LRCH2: variants seen among roughly 807,000 people sequenced by gnomAD.
The protein encoded by LRCH2 is leucine-rich repeat and calponin homology domain-containing protein 2.
A neutral mutation model predicts 68.9 loss-of-function variants in LRCH2; 38 were observed. The ratio of observed to expected loss-of-function variants is 0.55; its 90% CI spans 0.43 to 0.72. The LOEUF (loss-of-function observed/expected upper bound fraction) is 0.72, where lower values mean the gene tolerates loss of function less well. Among genes scored for constraint, LRCH2 ranks in the 30% least tolerant of loss-of-function variants. LRCH2 has a pLI of 0.00. For missense variants in LRCH2, 528 were observed against 572.9 expected (o/e 0.92, Z 0.80); for synonymous variants, 191 against 208.1 (o/e 0.92, Z 0.71).
intron 14 of LRCH2, among the ~76,000 whole-genome samples, chrX:115,135,075 C>A (rs1556531442): frequency 9.1e-6 from 1 of 109,731 alleles, no homozygotes; most frequent in Non-Finnish European, 1.9e-5. Context: ...GTGGTGGAAA[C>A]AGCAGGAGAA....
At chrX:115,119,261 T>C (rs1198132706) in intron 20 of LRCH2, among the ~76,000 whole-genome samples, 1 of 109,826 alleles carries the variant, frequency 9.1e-6, no homozygotes, top group Non-Finnish European at 1.9e-5. Context: ...ATTGTATATC[T>C]AGAAAACCCC....
intron 7 of LRCH2, 46 bp from the exon 8 acceptor site, chrX:115,165,998 C>T (rs1286323979): frequency 3.9e-5 from 35 of 903,164 alleles, no homozygotes; most frequent in East Asian, 2.7e-4. Flanking sequence ...TTTAAACTTA[C>T]GATATGGATT....
At chrX:115,121,892 C>G (rs1382321274) in intron 20 of LRCH2, among the ~76,000 whole-genome samples, 1 of 111,250 alleles carries the variant, frequency 9.0e-6, no homozygotes, top group Non-Finnish European at 1.9e-5. Context: ...AATGTCATTT[C>G]TCTCCATAGT....
At chrX:115,153,693 G>A (rs1556538825) in intron 12 of LRCH2, among the ~76,000 whole-genome samples, 1 of 110,741 alleles carries the variant, frequency 9.0e-6, no homozygotes, top group Non-Finnish European at 1.9e-5. Flanking sequence ...CACACGAAAT[G>A]GCATAATAGC....
intron 14 of LRCH2, among the ~76,000 whole-genome samples, chrX:115,137,422 C>G (rs1258774391): frequency 9.2e-6 from 1 of 108,839 alleles, no homozygotes. Flanking sequence ...GAGTCATTAA[C>G]ACTCCAGAGA....
At position 115,179,648 on chromosome X, in the gene LRCH2, T is replaced by A; in HGVS notation, c.725A>T (p.Asp242Val). The stretch of plus-strand genomic sequence containing the variant: ...AGTAAAAACAGTGAACATCTTACCA[T>A]CTGGCAAAACATGAAGATTATTTCT... Reference protein sequence around the residue: ...IRRNNLHVLPDELGDLPLVKL... With the variant: ...IRRNNLHVLPVELGDLPLVKL... Residue 242 changes from aspartate (D) to valine (V), a missense_variant and splice_region_variant, in exon 4 of 21, where the codon GAT becomes GTT. Asp to Val is a radical substitution (Grantham distance 152). Coordinates refer to ENST00000317135, the MANE Select transcript of LRCH2 (RefSeq NM_020871.4). 1 of 1,129,896 alleles carries A rather than the reference T, an allele frequency of 8.9e-7. No homozygotes were observed. Among genetic ancestry groups the A allele is most frequent in the Non-Finnish European group, 1.2e-6 (1 of 854,059 alleles). The allele number at this position is 1,129,896 out of a possible 1,213,427, so 93.1% of individuals were successfully genotyped here.
At chrX:115,178,075 C>T (rs1282706621) in intron 5 of LRCH2, among the ~76,000 whole-genome samples, 1 of 111,933 alleles carries the variant, frequency 8.9e-6, no homozygotes, top group Non-Finnish European at 1.9e-5. Context: ...TGGGATGGTG[C>T]TTCTCTAAGG....
At chrX:115,220,226 G>A (rs1218147096) in intron 1 of LRCH2, among the ~76,000 whole-genome samples, 1 of 111,912 alleles carries the variant, frequency 8.9e-6, no homozygotes, top group Non-Finnish European at 1.9e-5. Flanking sequence ...AATGATAGAG[G>A]AATGGTTAAA....
chrX:115,216,353 G>A (rs782182261), intron 1 of LRCH2, among the ~76,000 whole-genome samples: 25 of 112,099 alleles, frequency 2.2e-4, no homozygotes, highest in Non-Finnish European at 4.5e-4. Context: ...TTTATTCAAG[G>A]TTGCTGGAAT....
In LRCH2 at chrX:115,233,674, C is replaced by A; in HGVS notation, c.349+19G>T. The stretch of plus-strand genomic sequence containing the variant: ...ACCTCCTCCTTCACAGCCAGCTTCC[C>A]CTCCCCCCGTCCTGTCACCTGCTTG... On this transcript the variant is annotated intron_variant, in intron 1 of 20. Coordinates refer to ENST00000317135, the MANE Select transcript of LRCH2 (RefSeq NM_020871.4). 8.9e-7 allele frequency: 1 copy of A among 1,121,765 alleles called. No individual in the cohort carries two copies. The allele number at this position is 1,121,765 out of a possible 1,213,427, so 92.4% of individuals were successfully genotyped here. A position where few individuals can be genotyped will look rare whatever the true frequency, so the allele number is the denominator to read the frequency against.
At position 115,127,621 on chromosome X, in the gene LRCH2, T is replaced by C. The variant is rs190950532; in HGVS notation, c.1741-728A>G. 8.6e-4 allele frequency among the ~76,000 whole-genome samples: 95 copies of C among 111,004 alleles called. 1 individual carries two copies. Among genetic ancestry groups the C allele is most frequent in the African/African-American group, 3.1e-3 (94 of 30,562 alleles). ...ATACAGAACAATGCATGGCATATTA[T>C]GAGGCACAGATAAGGGGCACTTGGG... On this transcript the variant is annotated intron_variant, in intron 15 of 20. Transcript: ENST00000317135.
intron 14 of LRCH2, among the ~76,000 whole-genome samples, chrX:115,140,445 C>T (rs1556533756): frequency 9.0e-6 from 1 of 111,070 alleles, no homozygotes; most frequent in Admixed American, 9.6e-5. Context: ...GATGTCGTGG[C>T]TACATGGAGA....
chrX:115,122,656 T>A, intron 19 of LRCH2, 52 bp from the exon 20 acceptor site: 1 of 1,174,692 alleles, frequency 8.5e-7, no homozygotes, highest in South Asian at 1.9e-5. Flanking sequence ...CTATGGAACT[T>A]AATCAAAACT....
intron 1 of LRCH2, among the ~76,000 whole-genome samples, chrX:115,209,812 G>A (rs1185915258): frequency 8.9e-6 from 1 of 112,075 alleles, no homozygotes; most frequent in Non-Finnish European, 1.9e-5. Context: ...AGGCTGAGGT[G>A]ATCTCAGATG....
At chrX:115,143,094 T>TAAAC (rs782312016) in intron 14 of LRCH2, among the ~76,000 whole-genome samples, 3 of 110,199 alleles carry the variant, frequency 2.7e-5, no homozygotes, top group Non-Finnish European at 3.8e-5. Context: ...GACTCTGGTT[T>TAAAC]AAACAAACAA....
Position 115,179,448 on chromosome X carries a change from T to C in LRCH2, c.843A>G (p.Pro281=), listed in dbSNP as rs2072675218. 1 of 1,135,333 alleles carries C rather than the reference T, an allele frequency of 8.8e-7. No individual in the cohort carries two copies. 93.6% of individuals were successfully genotyped at this position (1,135,333 alleles called of 1,213,427 possible). ...AAACCTGTGCTGGTGGTACTTGCAA[T>C]GGATTGTTATCCAAAATTATTACTT... ...HLQVIILDNN[P]LQVPPAQICL... is the part of the protein sequence containing the mutation. The change falls in exon 5 of 21, where the codon CCA becomes CCG. Residue 281 remains proline, a synonymous_variant. Transcript: ENST00000317135.
At position 115,168,803 on chromosome X, in the gene LRCH2, T is replaced by A. The variant is rs782001971; in HGVS notation, c.998+1496A>T. Among the ~76,000 whole-genome samples, 125 of 111,354 alleles carry A rather than the reference T, an allele frequency of 1.1e-3. 1 individual carries two copies. Among genetic ancestry groups the A allele is most frequent in the African/African-American group, 3.8e-3 (116 of 30,706 alleles). On this transcript the variant is annotated intron_variant, in intron 6 of 20. Transcript: ENST00000317135. Reference sequence around the variant, plus strand: ...TCCTATAAGCCAAAATAGTTTTTTTTAAAAAAATGAGTCAAATCATGTTAT... The same window carrying A: ...TCCTATAAGCCAAAATAGTTTTTTTAAAAAAAATGAGTCAAATCATGTTAT...
intron 14 of LRCH2, among the ~76,000 whole-genome samples, chrX:115,131,969 G>A (rs1378367891): frequency 8.9e-6 from 1 of 111,799 alleles, no homozygotes; most frequent in East Asian, 2.8e-4. Context: ...TGAGTTCTTT[G>A]TAGATTCTGG....
rs1307596811 is a variant in LRCH2, at chrX:115,192,598, C to T, written c.350-4228G>A. ...CTGCAGGGTGCCCAGGGGCGGAGGC[C>T]GTCAAGGAGGCCGCTTCGAGAGGGG... is the stretch of plus-strand genomic sequence containing the variant. On this transcript the variant is annotated intron_variant, in intron 1 of 20. Transcript: ENST00000317135. 1.8e-5 allele frequency: 21 copies of T among 1,169,731 alleles called. No homozygotes were observed. The highest frequency in any genetic ancestry group is 2.2e-5 in the Non-Finnish European group (19 of 874,551).
Sources: gnomAD v4.1 joint callset for allele counts (sites outside exome capture counted in the v4.1 genomes callset) on GRCh38, gnomAD v4.1.1 for gene constraint, MANE v1.5 for transcripts, NCBI Gene and HGNC (gene_info 2026-07-23, HGNC 2026-07-21) for gene names.